The following SPON1 variants were observed in gnomAD, a reference collection of about 807,000 sequenced individuals.
SPON1 encodes spondin 1, also known as spondin-1.
Under a neutral mutation model 111.7 loss-of-function variants are expected in SPON1, and 52 were observed. The observed-to-expected ratio is 0.47, with a 90% confidence interval of 0.37 to 0.59. The LOEUF (loss-of-function observed/expected upper bound fraction) is 0.59, where lower values mean the gene tolerates loss of function less well. SPON1 is among the 20% of genes least tolerant of loss of function. SPON1 has a pLI of 0.00. For missense variants in SPON1, 957 were observed against 1,068.5 expected (o/e 0.90, Z 1.46); for synonymous variants, 410 against 395.8 (o/e 1.04, Z -0.43).
intron 2 of SPON1, among the ~76,000 whole-genome samples, chr11:13,995,465 G>T (rs1010419892): frequency 6.6e-6 from 1 of 152,146 alleles, no homozygotes; most frequent in Non-Finnish European, 1.5e-5. Context: ...TCATAAGGTG[G>T]CTGGAGAGAG....
chr11:14,083,301 T>C (rs1401243549), intron 5 of SPON1, among the ~76,000 whole-genome samples: 3 of 152,196 alleles, frequency 2.0e-5, no homozygotes, highest in Non-Finnish European at 4.4e-5. Context: ...TAGATTCAAA[T>C]AGGTTCAAAA....
intron 6 of SPON1, among the ~76,000 whole-genome samples, chr11:14,232,682 A>G (rs1355947147): frequency 6.6e-6 from 1 of 152,212 alleles, no homozygotes; most frequent in African/African-American, 2.4e-5. Flanking sequence ...ACACTTGGAC[A>G]TACAAACTTG....
chr11:14,247,364 C>T (rs1326142937), intron 7 of SPON1, among the ~76,000 whole-genome samples: 1 of 152,172 alleles, frequency 6.6e-6, no homozygotes, highest in Non-Finnish European at 1.5e-5. Context: ...GAACCATGCA[C>T]TCCAGTCTGG....
At chr11:14,114,665 C>A (rs549772476) in intron 5 of SPON1, among the ~76,000 whole-genome samples, 10 of 152,216 alleles carry the variant, frequency 6.6e-5, no homozygotes, top group Non-Finnish European at 1.5e-4. Flanking sequence ...TCTGCATTAA[C>A]CCCACTGCCT....
intron 3 of SPON1, among the ~76,000 whole-genome samples, chr11:14,057,391 T>G (rs1291866313): frequency 1.3e-5 from 2 of 152,206 alleles, no homozygotes; most frequent in Non-Finnish European, 2.9e-5. Flanking sequence ...CTGAGGAAGA[T>G]TCTAGATTGA....
At chr11:13,976,213 A>T (rs1329640326) in intron 1 of SPON1, among the ~76,000 whole-genome samples, 1 of 152,104 alleles carries the variant, frequency 6.6e-6, no homozygotes, top group Non-Finnish European at 1.5e-5. Context: ...CTCTGAATGG[A>T]ATTCCTTTTT....
At chr11:14,185,557 G>A (rs183756788) in intron 6 of SPON1, among the ~76,000 whole-genome samples, 54 of 152,326 alleles carry the variant, frequency 3.5e-4, no homozygotes, top group Middle Eastern at 3.4e-3. Context: ...TGGTAAAATG[G>A]ATTATACATA....
chr11:14,010,081 C>G (rs782351048), intron 2 of SPON1, among the ~76,000 whole-genome samples: 1 of 152,078 alleles, frequency 6.6e-6, no homozygotes, highest in Admixed American at 6.5e-5. Flanking sequence ...ACTGCAGGAA[C>G]AAATGAAGGG....
Position 14,135,645 on chromosome 11 carries a change from C to A in SPON1, c.825+77C>A. The A allele has an allele frequency of 6.8e-7, 1 of 1,466,616 alleles. No homozygotes were observed. The highest frequency in any genetic ancestry group is 9.4e-7 in the Non-Finnish European group (1 of 1,066,004). The allele number at this position is 1,466,616 out of a possible 1,614,324, so 90.9% of individuals were successfully genotyped here. On this transcript the variant is annotated intron_variant, in intron 6 of 15. Coordinates refer to ENST00000576479, the MANE Select transcript of SPON1 (RefSeq NM_006108.4). This position sits in a 1 kb window ranked among gnomAD's most constrained non-coding sequence, Gnocchi z 4.4. ...ACTCCTTAGATATCTTTCCCAGGGG[C>A]TTGAAATTTGCAGTACAATGTGGTG...
chr11:13,980,756 A>G (rs1848137900), intron 1 of SPON1, among the ~76,000 whole-genome samples: 1 of 152,218 alleles, frequency 6.6e-6, no homozygotes, highest in Non-Finnish European at 1.5e-5. Flanking sequence ...TAAAAACTTA[A>G]TAATCAGTCA....
intron 1 of SPON1, among the ~76,000 whole-genome samples, chr11:13,979,357 A>G (rs1432911386): frequency 6.6e-6 from 1 of 152,184 alleles, no homozygotes; most frequent in Non-Finnish European, 1.5e-5. Flanking sequence ...AACAAACTGC[A>G]TCTGCAAAGA....
chr11:14,255,629 CTGTA>C lies in SPON1; in HGVS notation c.1093-14_1093-11del. 6.2e-7 allele frequency: 1 copy of C among 1,612,580 alleles called. No homozygotes were observed. Among genetic ancestry groups the C allele is most frequent in the African/African-American group, 1.3e-5 (1 of 75,008 alleles). ...CAATTTTATTTCTTACTCTCTACCT[CTGTA>C]TGTTTTCTTGCAGTCACCCAACAAA... On this transcript the variant is annotated splice_polypyrimidine_tract_variant and intron_variant, in intron 8 of 15. Coordinates refer to ENST00000576479, the MANE Select transcript of SPON1 (RefSeq NM_006108.4).
At chr11:13,970,110 A>G (rs577657825) in intron 1 of SPON1, among the ~76,000 whole-genome samples, 6 of 152,114 alleles carry the variant, frequency 3.9e-5, no homozygotes, top group East Asian at 1.9e-4. Context: ...TGGAGCATCT[A>G]TGGTGTCAGG....
chr11:14,224,074 G>A (rs1848710976), intron 6 of SPON1, among the ~76,000 whole-genome samples: 1 of 152,210 alleles, frequency 6.6e-6, no homozygotes, highest in Admixed American at 6.5e-5. Context: ...TCTAGGAGCT[G>A]CTGCTGATTC....
intron 5 of SPON1, among the ~76,000 whole-genome samples, chr11:14,107,945 C>A (rs1554925085): frequency 6.6e-6 from 1 of 152,148 alleles, no homozygotes; most frequent in East Asian, 1.9e-4. Flanking sequence ...CTTATGGAAG[C>A]TACTTAACGT....
chr11:13,983,007 G>A, intron 2 of SPON1, 54 bp downstream of exon 2: 1 of 1,254,844 alleles, frequency 8.0e-7, no homozygotes. Context: ...GGAGGTAGAG[G>A]CTGGAGAGGT....
intron 4 of SPON1, 26 bp downstream of exon 4, chr11:14,075,444 G>A (rs1564899163): frequency 6.7e-7 from 1 of 1,493,294 alleles, no homozygotes; most frequent in Admixed American, 2.0e-5. Context: ...TGGGGAGGGG[G>A]AGGGGCAGAG....
chr11:14,217,756 A>T (rs1554937260), intron 6 of SPON1, among the ~76,000 whole-genome samples: 1 of 152,236 alleles, frequency 6.6e-6, no homozygotes, highest in African/African-American at 2.4e-5. Flanking sequence ...TCATGTATAA[A>T]ATAAAAATAA....
chr11:13,983,218 G>A (rs1261080628), intron 2 of SPON1, among the ~76,000 whole-genome samples: 4 of 152,230 alleles, frequency 2.6e-5, no homozygotes, highest in African/African-American at 7.2e-5. Context: ...GCAGCCAAGC[G>A]TGGGGAGAGC....
Sources: allele counts gnomAD v4.1 joint callset (sites outside exome capture counted in the v4.1 genomes callset), GRCh38; gene constraint gnomAD v4.1.1; non-coding constraint Gnocchi (gnomAD v3.1); transcripts MANE v1.5; gene names NCBI Gene and HGNC (gene_info 2026-07-23, HGNC 2026-07-21).